The following SCARF2 variants were observed in gnomAD, a reference collection of about 807,000 sequenced individuals.
SCARF2 encodes the protein scavenger receptor expressed by endothelial cells 2 protein.
A neutral mutation model predicts 73.4 loss-of-function variants in SCARF2; 39 were observed. The observed-to-expected ratio is 0.53, with a 90% confidence interval of 0.41 to 0.69. The LOEUF (loss-of-function observed/expected upper bound fraction) is 0.69, where lower values mean the gene tolerates loss of function less well. SCARF2 is among the 30% of genes least tolerant of loss of function. The pLI is 0.00. For missense variants in SCARF2, 1,148 were observed against 1,303.5 expected, an observed-to-expected ratio of 0.88 and a Z score of 1.84; for synonymous variants, 605 against 590.0, an observed-to-expected ratio of 1.03 and a Z score of -0.37.
rs202155444 is a variant in SCARF2, at chr22:20,429,699, T to C, written c.1306+31A>G. ...AGCGCGGTTTCTGGCACCCCCTGCA[T>C]TCCTTAACGGGACGCCCCTCATCCA... On this transcript the variant is annotated intron_variant, in intron 7 of 10. Coordinates refer to ENST00000622235, the MANE Select transcript of SCARF2 (RefSeq NM_182895.5). This position sits in a 1 kb window ranked among gnomAD's most constrained non-coding sequence, Gnocchi z 5.2. 5 of 1,613,946 alleles carry C rather than the reference T, an allele frequency of 3.1e-6. No homozygotes were observed. Among genetic ancestry groups the C allele is most frequent in the Non-Finnish European group, 4.2e-6 (5 of 1,179,942 alleles).
rs2052555017 is a variant in SCARF2 at position 20,424,955 on chromosome 22, C to A, written c.*420G>T. ...AAGGGAGGGAGCCTCCAGCCAGAGG[C>A]ACCAGGCCCTAGCGGGGGAGAGGCA... On this transcript the variant is annotated 3_prime_UTR_variant, in exon 11 of 11. Coordinates refer to ENST00000622235, the MANE Select transcript of SCARF2 (RefSeq NM_182895.5). 6.1e-6 allele frequency: 1 copy of A among 165,080 alleles called. No individual in the cohort carries two copies. The highest frequency in any genetic ancestry group is 1.3e-5 in the Non-Finnish European group (1 of 76,894). The allele number at this position is 165,080 out of a possible 1,614,324, so 10.2% of individuals were successfully genotyped here.
chr22:20,430,697 C>A lies in SCARF2; in HGVS notation c.1066G>T (p.Gly356Cys). 3 of 1,599,324 alleles carry A rather than the reference C, an allele frequency of 1.9e-6. No individual in the cohort carries two copies. Among genetic ancestry groups the A allele is most frequent in the Non-Finnish European group, 2.6e-6 (3 of 1,173,678 alleles). Reference sequence around the variant, plus strand: ...GCAGGCAGGGCTGCTCACCGGTCGCCGATCCAGCCCGCGTTGCAGCGCGTA... The same window carrying A: ...GCAGGCAGGGCTGCTCACCGGTCGCAGATCCAGCCCGCGTTGCAGCGCGTA... Reference protein sequence around the residue: ...KCTRCNAGWIGDRCETKCSNG... With the variant: ...KCTRCNAGWICDRCETKCSNG... Residue 356 changes from glycine (G) to cysteine (C), a missense_variant, in exon 5 of 11, where the codon GGC (glycine) becomes TGC (cysteine). By Grantham distance (159) the Gly-to-Cys change is radical. Around this residue, in one of 5 missense-constraint regions of SCARF2, gnomAD observed 372 missense variants for 532.0 expected, o/e 0.70. Transcript: ENST00000622235.
Position 20,425,736 on chromosome 22 carries a change from CCGCGGCCCCGCG to C in SCARF2, c.2228_2239del (p.Ala743_Arg746del). ...GTCCGTGGGCTCCAAGAGGCCGGGG[CCGCGGCCCCGCG>C]CTCGGGCCCTGGGCGGCGAGGGCGC... On this transcript the variant is annotated inframe_deletion, in exon 11 of 11. Transcript: ENST00000622235. This position sits in a 1 kb window ranked among gnomAD's most constrained non-coding sequence, Gnocchi z 4.6. The C allele has an allele frequency of 8.1e-7, 1 of 1,230,954 alleles. No homozygotes were observed. Among genetic ancestry groups the C allele is most frequent in the South Asian group, 3.9e-5 (1 of 25,708 alleles). The allele number at this position is 1,230,954 out of a possible 1,614,324, so 76.3% of individuals were successfully genotyped here.
Position 20,430,687 on chromosome 22 carries a change from C to T in SCARF2, c.1073+3G>A. ...CTGGGCCGACGCAGGCAGGGCTGCT[C>T]ACCGGTCGCCGATCCAGCCCGCGTT... On this transcript the variant is annotated splice_donor_region_variant and intron_variant, in intron 5 of 10. Coordinates refer to ENST00000622235, the MANE Select transcript of SCARF2 (RefSeq NM_182895.5). 1 of 1,597,016 alleles carries T rather than the reference C, an allele frequency of 6.3e-7. No individual in the cohort carries two copies.
intron 10 of SCARF2, 34 bp downstream of exon 10, chr22:20,427,364 G>A: frequency 1.2e-6 from 2 of 1,613,092 alleles, no homozygotes; most frequent in Non-Finnish European, 1.7e-6. Flanking sequence ...CATTTCACTG[G>A]GCTGGAGTGA....
Position 20,429,613 on chromosome 22 carries a change from C to T in SCARF2, c.1347G>A (p.Leu449=), listed in dbSNP as rs750416324. 2 of 1,613,668 alleles carry T rather than the reference C, an allele frequency of 1.2e-6. No homozygotes were observed. The highest frequency in any genetic ancestry group is 3.3e-5 in the Admixed American group (2 of 60,026). Reference sequence around the variant, plus strand: ...GCAGCAGGCAGACGAGCAGGACGAGCAGCGCGCCCGCGCCCATCACGCCCT... The same window carrying T: ...GCAGCAGGCAGACGAGCAGGACGAGTAGCGCGCCCGCGCCCATCACGCCCT... ...QRKGVMGAGA[L]LVLLVCLLLS... The change falls in exon 8 of 11, where the codon CTG becomes CTA. Residue 449 remains leucine, a synonymous_variant. Transcript: ENST00000622235. The surrounding 1 kb of genome is among the most constrained non-coding windows in gnomAD (Gnocchi z 5.2).
At chr22:20,428,961 T>A (rs1232911887) in intron 9 of SCARF2, among the ~76,000 whole-genome samples, 1 of 152,134 alleles carries the variant, frequency 6.6e-6, no homozygotes, top group Non-Finnish European at 1.5e-5. Flanking sequence ...ACACCCCTGA[T>A]GCGATCACTC....
intron 3 of SCARF2, 63 bp from the exon 4 acceptor site, chr22:20,431,600 C>T (rs969952262): frequency 2.6e-6 from 4 of 1,543,740 alleles, no homozygotes; most frequent in African/African-American, 2.7e-5. Context: ...CCCAGCCAGC[C>T]GGAACCTGCC....
intron 6 of SCARF2, among the ~76,000 whole-genome samples, chr22:20,430,215 C>A (rs2052626785): frequency 6.6e-6 from 1 of 152,224 alleles, no homozygotes; most frequent in African/African-American, 2.4e-5. Context: ...CTGACACAGG[C>A]TGGACTGGTC....
intron 3 of SCARF2, 67 bp downstream of exon 3, chr22:20,431,677 CT>C (rs1285075982): frequency 2.0e-6 from 3 of 1,506,762 alleles, no homozygotes; most frequent in Non-Finnish European, 9.0e-7. Context: ...CCCGCCCCAC[CT>C]TGGACCCCGC....
intron 1 of SCARF2, among the ~76,000 whole-genome samples, chr22:20,434,628 G>A (rs950538410): frequency 1.3e-5 from 2 of 152,216 alleles, no homozygotes; most frequent in African/African-American, 4.8e-5. Flanking sequence ...GGGGAAAGAT[G>A]GCCTGCTGCA....
At chr22:20,431,712 C>T (rs569900289) in intron 3 of SCARF2, 33 bp downstream of exon 3, 9 of 1,546,508 alleles carry the variant, frequency 5.8e-6, no homozygotes, top group Non-Finnish European at 7.9e-6. Context: ...GATTCCGCCC[C>T]ACCGACCAAT....
At position 20,425,257 on chromosome 22, in the gene SCARF2, G is replaced by A. The variant is rs879322376; in HGVS notation, c.*118C>T. On this transcript the variant is annotated 3_prime_UTR_variant, in exon 11 of 11. Transcript: ENST00000622235. This position sits in a 1 kb window ranked among gnomAD's most constrained non-coding sequence, Gnocchi z 4.6. ...CCTGAGCCAATGAGACGCAACCTCCGCTAGCCGCGCGGTGCCCGGCCAATA... is the reference window on the plus strand; with the variant it reads ...CCTGAGCCAATGAGACGCAACCTCCACTAGCCGCGCGGTGCCCGGCCAATA... The A allele has an allele frequency of 6.1e-4, 535 of 880,238 alleles. 1 individual carries two copies. The highest frequency in any genetic ancestry group is 7.7e-4 in the Non-Finnish European group (497 of 649,224). 54.5% of individuals were successfully genotyped at this position (880,238 alleles called of 1,614,324 possible). A position where few individuals can be genotyped will look rare whatever the true frequency, so the allele number is the denominator to read the frequency against.
chr22:20,435,121 C>T (rs1039195520), intron 1 of SCARF2, among the ~76,000 whole-genome samples: 1 of 152,192 alleles, frequency 6.6e-6, no homozygotes, highest in Admixed American at 6.5e-5. Context: ...CCAGCCCAAA[C>T]CTGAACTCTT....
chr22:20,430,499 C>G lies in SCARF2; in HGVS notation c.1132G>C (p.Asp378His), dbSNP rs376115864. 7 of 1,603,010 alleles carry G rather than the reference C, an allele frequency of 4.4e-6. No homozygotes were observed. The highest frequency in any genetic ancestry group is 5.1e-6 in the Non-Finnish European group (6 of 1,175,458). ...AAGTCGCAGTGTCCGCTGCCGCAGTCGGCGCACACGAAGGCGCAGTCCTCG... is the reference window on the plus strand; with the variant it reads ...AAGTCGCAGTGTCCGCTGCCGCAGTGGGCGCACACGAAGGCGCAGTCCTCG... ...YGEDCAFVCADCGSGHCDFQS... is the reference protein window; with the variant it reads ...YGEDCAFVCAHCGSGHCDFQS... The change falls in exon 6 of 11, where the codon GAC becomes CAC. Residue 378 changes from aspartate to histidine, a missense_variant. Asp to His is a moderately conservative substitution (Grantham distance 81, BLOSUM62 -1). Around this residue, in one of 5 missense-constraint regions of SCARF2, gnomAD observed 372 missense variants for 532.0 expected, o/e 0.70. Transcript: ENST00000622235.
intron 9 of SCARF2, among the ~76,000 whole-genome samples, chr22:20,428,226 CCCTCCCTCCCTT>C (rs2052601406): frequency 7.0e-6 from 1 of 142,432 alleles, no homozygotes; most frequent in African/African-American, 2.6e-5. Context: ...CTCCCTCCCT[CCCTCCCTCCCTT>C]CCTTCTCTTT....
intron 1 of SCARF2, among the ~76,000 whole-genome samples, chr22:20,434,141 T>C (rs2146136116): frequency 6.6e-6 from 1 of 152,264 alleles, no homozygotes; most frequent in South Asian, 2.1e-4. Flanking sequence ...GCCAAGATGT[T>C]TTTTTGCCGG....
chr22:20,434,351 G>C (rs767354415), intron 1 of SCARF2, among the ~76,000 whole-genome samples: 1 of 152,160 alleles, frequency 6.6e-6, no homozygotes, highest in African/African-American at 2.4e-5. Flanking sequence ...CAGAGAGAAA[G>C]AGAGCGCGCG....
At chr22:20,436,435 C>G (rs1316608098) in intron 1 of SCARF2, among the ~76,000 whole-genome samples, 1 of 151,822 alleles carries the variant, frequency 6.6e-6, no homozygotes, top group African/African-American at 2.4e-5. Flanking sequence ...GCCCGGGAGT[C>G]CGCGGCGGCG....
Sources: allele counts gnomAD v4.1 joint callset (sites outside exome capture counted in the v4.1 genomes callset), GRCh38; gene constraint gnomAD v4.1.1; regional missense constraint gnomAD v4.1.1; non-coding constraint Gnocchi (gnomAD v3.1); transcripts MANE v1.5; gene names NCBI Gene and HGNC (gene_info 2026-07-23, HGNC 2026-07-21).